The following AGO2 variants were observed in gnomAD, a reference collection of about 807,000 sequenced individuals.
AGO2 encodes the protein argonaute RISC catalytic component 2.
AGO2 carries 5 observed loss-of-function variants against 102.3 expected under a neutral mutation model. The observed-to-expected ratio is 0.05, with a 90% CI of 0.03 to 0.10. The LOEUF (loss-of-function observed/expected upper bound fraction) is 0.10. AGO2 is among the 10% of genes least tolerant of loss of function. AGO2 has a pLI of 1.00. For missense variants in AGO2, 541 were observed against 1,183.7 expected, an observed-to-expected ratio of 0.46 and a Z score of 7.97; for synonymous variants, 449 against 473.1, an observed-to-expected ratio of 0.95 and a Z score of 0.66.
intron 1 of AGO2, among the ~76,000 whole-genome samples, chr8:140,630,494 C>T (rs1470624357): frequency 6.6e-6 from 1 of 152,240 alleles, no homozygotes; most frequent in Admixed American, 6.5e-5. Flanking sequence ...AGAATAGTGG[C>T]TACAGCGAAC....
chr8:140,612,545 C>T (rs1482001349), intron 1 of AGO2, among the ~76,000 whole-genome samples: 3 of 152,048 alleles, frequency 2.0e-5, no homozygotes, highest in African/African-American at 7.2e-5. Context: ...GTAGGTGGAT[C>T]ACACGAGGAG....
chr8:140,570,030 G>A (rs944645821), intron 3 of AGO2, among the ~76,000 whole-genome samples: 21 of 152,368 alleles, frequency 1.4e-4, no homozygotes, highest in Non-Finnish European at 2.2e-4. Flanking sequence ...ACTGGGACAC[G>A]ATGCGAGAAG....
chr8:140,570,997 A>G (rs928244953), intron 3 of AGO2, among the ~76,000 whole-genome samples: 2 of 152,252 alleles, frequency 1.3e-5, no homozygotes, highest in East Asian at 1.9e-4. Context: ...TTATAAAACT[A>G]TAAGTAAAAA....
chr8:140,599,203 C>T (rs1564109210), intron 1 of AGO2, among the ~76,000 whole-genome samples: 1 of 152,240 alleles, frequency 6.6e-6, no homozygotes, highest in Non-Finnish European at 1.5e-5. Flanking sequence ...TGCCATCCCA[C>T]TGACAGGCCA....
chr8:140,552,276 A>G (rs927194935), intron 10 of AGO2, among the ~76,000 whole-genome samples: 11 of 152,320 alleles, frequency 7.2e-5, no homozygotes, highest in African/African-American at 2.6e-4. Context: ...CCACTTGAGA[A>G]GAGAAAGGCG....
Position 140,540,099 on chromosome 8 carries a change from CA to C in AGO2, c.2035-646del, listed in dbSNP as rs577749881. On this transcript the variant is annotated intron_variant, in intron 15 of 18. Transcript: ENST00000220592. The surrounding 1 kb of genome is among the most constrained non-coding windows in gnomAD (Gnocchi z 5.0). ...GAGAGTCTTTCTCAAAAAAAACAAA[CA>C]AAAAAACAAAACAAAAAACACACAA... Among the ~76,000 whole-genome samples the C allele has an allele frequency of 8.6e-5, 13 of 151,912 alleles. No homozygotes were observed. The highest frequency in any genetic ancestry group is 1.6e-4 in the Non-Finnish European group (11 of 67,966).
chr8:140,538,341 A>G (rs529624601), intron 16 of AGO2, among the ~76,000 whole-genome samples: 1 of 152,300 alleles, frequency 6.6e-6, no homozygotes, highest in African/African-American at 2.4e-5. Flanking sequence ...CTCCTGGTTC[A>G]GTCCAAGGCC....
At position 140,531,940 on chromosome 8, in the gene AGO2, A is replaced by G; in HGVS notation, c.*104T>C. 1 of 959,580 alleles carries G rather than the reference A, an allele frequency of 1.0e-6. No homozygotes were observed. The highest frequency in any genetic ancestry group is 2.4e-5 in the East Asian group (1 of 40,982). 59.4% of individuals were successfully genotyped at this position (959,580 alleles called of 1,614,324 possible). A position where few individuals can be genotyped will look rare whatever the true frequency, so the allele number is the denominator to read the frequency against. ...AATCTAATAAAATCAATGACGTCTC[A>G]TGTTCGATGCTGGCTGTCACGGAAG... is the stretch of plus-strand genomic sequence containing the variant. On this transcript the variant is annotated 3_prime_UTR_variant, in exon 19 of 19. Coordinates refer to ENST00000220592, the MANE Select transcript of AGO2 (RefSeq NM_012154.5).
At position 140,588,420 on chromosome 8, in the gene AGO2, A is replaced by ACT. The variant is rs34797775; in HGVS notation, c.23-3110_23-3109insAG. Among the ~76,000 whole-genome samples, 8 of 151,924 alleles carry ACT rather than the reference A, an allele frequency of 5.3e-5. No homozygotes were observed. The East Asian group carries it at 1.4e-3, about 26-fold the overall frequency. On this transcript the variant is annotated intron_variant, in intron 1 of 18. Coordinates refer to ENST00000220592, the MANE Select transcript of AGO2 (RefSeq NM_012154.5). ...TGTAGTCTACCAAGTGTGTAATAGC[A>ACT]GTGTGTAAATAATGTACATATCTTA... is the stretch of plus-strand genomic sequence containing the variant.
At chr8:140,556,607 G>A (rs1050108421) in intron 8 of AGO2, among the ~76,000 whole-genome samples, 22 of 152,174 alleles carry the variant, frequency 1.4e-4, no homozygotes, top group Admixed American at 2.6e-4. Flanking sequence ...GGCTGCGGGC[G>A]TGAAAGCAGC....
rs1434565206 is a variant in AGO2, at chr8:140,520,674, C to T, written c.*11370G>A. On this transcript the variant is annotated 3_prime_UTR_variant, in exon 19 of 19. Coordinates refer to ENST00000220592, the MANE Select transcript of AGO2 (RefSeq NM_012154.5). ...TAGGATCATGCTACTTCCTCAATCGCAATTTTTCTGAGGTCTGTGTTGGGG... is the reference window on the plus strand; with the variant it reads ...TAGGATCATGCTACTTCCTCAATCGTAATTTTTCTGAGGTCTGTGTTGGGG... The T allele has an allele frequency of 7.0e-6, 1 of 143,700 alleles. No homozygotes were observed. Among genetic ancestry groups the T allele is most frequent in the African/African-American group, 2.6e-5 (1 of 38,618 alleles). The allele number at this position is 143,700 out of a possible 1,614,324, so 8.9% of individuals were successfully genotyped here.
chr8:140,541,293 C>T lies in AGO2; in HGVS notation c.1905G>A (p.Arg635=). The change falls in exon 15 of 19, where the codon CGG becomes CGA. Residue 635 remains arginine (R), a synonymous_variant. Coordinates refer to ENST00000220592, the MANE Select transcript of AGO2 (RefSeq NM_012154.5). ...CGGCCAGGTCTTGTATGATCTCCTG[C>T]CGGTGCTGCTGCACGCGCACGGTGG... ...YCATVRVQQH[R]QEIIQDLAAM... 6.2e-7 allele frequency: 1 copy of T among 1,613,606 alleles called. No homozygotes were observed. Among genetic ancestry groups the T allele is most frequent in the South Asian group, 1.1e-5 (1 of 90,978 alleles).
At chr8:140,631,491 G>A (rs1307454996) in intron 1 of AGO2, among the ~76,000 whole-genome samples, 2 of 151,316 alleles carry the variant, frequency 1.3e-5, no homozygotes, top group African/African-American at 2.4e-5. Context: ...GAGCCAAGAT[G>A]GTACCACTGC....
chr8:140,627,053 C>T (rs774199744), intron 1 of AGO2, among the ~76,000 whole-genome samples: 5 of 152,202 alleles, frequency 3.3e-5, no homozygotes, highest in Non-Finnish European at 7.3e-5. Context: ...TCAATCATAA[C>T]TGGGACTCAG....
chr8:140,605,880 G>C (rs2073992237), intron 1 of AGO2: 1 of 152,226 alleles, frequency 6.6e-6, no homozygotes, highest in African/African-American at 2.4e-5. Context: ...TGCCCGGTGG[G>C]ATGAAGCTTA....
chr8:140,543,846 G>A (rs1377468856), intron 14 of AGO2, among the ~76,000 whole-genome samples: 1 of 152,314 alleles, frequency 6.6e-6, no homozygotes, highest in East Asian at 1.9e-4. Flanking sequence ...GGCCTGTCTG[G>A]GGTTCGGGGC....
intron 2 of AGO2, among the ~76,000 whole-genome samples, chr8:140,578,518 G>A (rs2132992526): frequency 6.6e-6 from 1 of 152,344 alleles, no homozygotes; most frequent in African/African-American, 2.4e-5. Context: ...TTCGTTTCGA[G>A]CCGGCGCAGG....
chr8:140,560,592 C>T (rs1230196113), intron 4 of AGO2, 82 bp from the exon 5 acceptor site: 36 of 1,487,484 alleles, frequency 2.4e-5, no homozygotes, highest in East Asian at 2.3e-4. Flanking sequence ...GCTTCGCCTG[C>T]GCCCACCACA....
intron 2 of AGO2, among the ~76,000 whole-genome samples, chr8:140,577,868 C>T (rs1298994489): frequency 1.3e-5 from 2 of 152,266 alleles, no homozygotes; most frequent in Non-Finnish European, 2.9e-5. Flanking sequence ...CGCTCACTGA[C>T]GGTCCTGCAG....
Sources: allele counts gnomAD v4.1 joint callset (sites outside exome capture counted in the v4.1 genomes callset), GRCh38; gene constraint gnomAD v4.1.1; non-coding constraint Gnocchi (gnomAD v3.1); transcripts MANE v1.5; gene names NCBI Gene and HGNC (gene_info 2026-07-23, HGNC 2026-07-21).